AFF1: variants seen among roughly 807,000 people sequenced by gnomAD.
AFF1 encodes the protein AF4/FMR2 family member 1.
A neutral mutation model predicts 121.7 loss-of-function variants in AFF1; 48 were observed. The ratio of observed to expected loss-of-function variants is 0.39; its 90% CI spans 0.31 to 0.50. The LOEUF is 0.50. Ranked by LOEUF, AFF1 falls within the 20% of genes least tolerant of loss-of-function variation. AFF1 has a pLI of 0.76. For synonymous variants in AFF1, 613 were observed against 563.0 expected (o/e 1.09, Z -1.26); for missense variants, 1,523 against 1,511.7 (o/e 1.01, Z -0.12).
chr4:86,972,029 A>G (rs1722981693), intron 2 of AFF1, among the ~76,000 whole-genome samples: 2 of 149,606 alleles, frequency 1.3e-5, no homozygotes, highest in South Asian at 4.3e-4. Context: ...ACTCAGCTAC[A>G]TGGGAGGTTG....
intron 2 of AFF1, among the ~76,000 whole-genome samples, chr4:86,977,113 C>G (rs1468159047): frequency 2.0e-5 from 3 of 152,168 alleles, no homozygotes; most frequent in East Asian, 1.9e-4. Context: ...TTTTCAAATA[C>G]AGTAAGTAGT....
At chr4:87,086,095 A>G (rs1305545103) in intron 5 of AFF1, among the ~76,000 whole-genome samples, 2 of 152,196 alleles carry the variant, frequency 1.3e-5, no homozygotes, top group Non-Finnish European at 2.9e-5. Context: ...AGCATGTAAG[A>G]TTAAATAAGT....
Position 87,126,350 on chromosome 4 carries a change from G to A in AFF1, c.2811+14G>A, listed in dbSNP as rs1458654077. ...TCGGAGCACAAGGTGAGCAGGGGCGGCGGTCACTCTGTAAGATGGGATGCA... is the reference window on the plus strand; with the variant it reads ...TCGGAGCACAAGGTGAGCAGGGGCGACGGTCACTCTGTAAGATGGGATGCA... On this transcript the variant is annotated intron_variant, in intron 14 of 20. Transcript: ENST00000395146. The A allele has an allele frequency of 6.2e-7, 1 of 1,609,934 alleles. No individual in the cohort carries two copies. The highest frequency in any genetic ancestry group is 8.5e-7 in the Non-Finnish European group (1 of 1,176,416).
chr4:87,087,512 T>C (rs907653785), intron 5 of AFF1, among the ~76,000 whole-genome samples: 5 of 152,246 alleles, frequency 3.3e-5, no homozygotes, highest in Non-Finnish European at 4.4e-5. Context: ...GGGCCAGGGC[T>C]GACGTAGGTC....
At chr4:87,127,171 C>CG (rs1560657560) in intron 15 of AFF1, 54 bp downstream of exon 15, 6 of 1,296,196 alleles carry the variant, frequency 4.6e-6, no homozygotes, top group South Asian at 1.2e-5. Flanking sequence ...TTGCTTCCCC[C>CG]CCCCACCAAG....
At chr4:87,079,087 A>G (rs918385613) in intron 4 of AFF1, among the ~76,000 whole-genome samples, 21 of 152,188 alleles carry the variant, frequency 1.4e-4, no homozygotes, top group Admixed American at 6.5e-5. Context: ...GCAGAGCCAG[A>G]TCTAGAATCC....
intron 1 of AFF1, among the ~76,000 whole-genome samples, chr4:86,946,018 A>G (rs1172357165): frequency 6.6e-6 from 1 of 152,122 alleles, no homozygotes; most frequent in Non-Finnish European, 1.5e-5. Flanking sequence ...GCTTAGATTA[A>G]CCCATGTGGT....
chr4:86,937,769 A>C (rs1578805087), intron 1 of AFF1, among the ~76,000 whole-genome samples: 2 of 27,078 alleles, frequency 7.4e-5, no homozygotes, highest in African/African-American at 2.5e-4. Flanking sequence ...CTTTTGGTAG[A>C]GATGGCTTGG....
intron 4 of AFF1, among the ~76,000 whole-genome samples, chr4:87,074,613 C>G (rs1722467943): frequency 6.6e-6 from 1 of 152,186 alleles, no homozygotes; most frequent in South Asian, 2.1e-4. Context: ...CCAGCACACC[C>G]TACTTATTTT....
At chr4:86,975,200 A>G (rs954970495) in intron 2 of AFF1, among the ~76,000 whole-genome samples, 2 of 151,778 alleles carry the variant, frequency 1.3e-5, no homozygotes, top group African/African-American at 4.8e-5. Context: ...CCCTTCCGAC[A>G]CTACTTTGTT....
At chr4:86,971,051 A>T (rs920363672) in intron 2 of AFF1, among the ~76,000 whole-genome samples, 1 of 152,200 alleles carries the variant, frequency 6.6e-6, no homozygotes, top group Middle Eastern at 3.2e-3. Flanking sequence ...CTTTAACAGG[A>T]TCACTTGGGA....
chr4:86,969,856 G>A (rs543814360), intron 2 of AFF1, among the ~76,000 whole-genome samples: 2 of 111,810 alleles, frequency 1.8e-5, no homozygotes, highest in Admixed American at 2.2e-4. Context: ...CTCTGGCCTG[G>A]GCGGAAGAGC....
intron 2 of AFF1, among the ~76,000 whole-genome samples, chr4:86,965,596 C>T (rs1176666433): frequency 6.6e-6 from 1 of 152,106 alleles, no homozygotes; most frequent in Non-Finnish European, 1.5e-5. Context: ...ATATTTGCTC[C>T]AAGATGGCTC....
intron 2 of AFF1, among the ~76,000 whole-genome samples, chr4:87,000,509 T>C (rs1354815297): frequency 6.6e-6 from 1 of 152,170 alleles, no homozygotes; most frequent in Non-Finnish European, 1.5e-5. Flanking sequence ...GTGTAAGATA[T>C]AAACAGGAAA....
chr4:87,047,636 C>T (rs762290619), intron 4 of AFF1, 42 bp downstream of exon 4: 37 of 1,611,786 alleles, frequency 2.3e-5, no homozygotes, highest in Non-Finnish European at 2.9e-5. Flanking sequence ...AATTCGAAGA[C>T]GGATTTGAGA....
chr4:87,115,231 G>A lies in AFF1; in HGVS notation c.2398G>A (p.Ala800Thr), dbSNP rs199822549. 2.3e-4 allele frequency: 364 copies of A among 1,614,034 alleles called. No homozygotes were observed. Among genetic ancestry groups the A allele is most frequent in the Non-Finnish European group, 2.9e-4 (348 of 1,179,966 alleles). The change falls in exon 12 of 21, where the codon GCA becomes ACA. Residue 800 changes from alanine to threonine, a missense_variant. Physicochemically the swap from Ala to Thr is moderately conservative, Grantham distance 58. Coordinates refer to ENST00000395146, the MANE Select transcript of AFF1 (RefSeq NM_001166693.3). ...QRKAEDKQPPAGKKHSSEKRS... is the reference protein window; with the variant it reads ...QRKAEDKQPPTGKKHSSEKRS... The stretch of plus-strand genomic sequence containing the variant: ...GAAAGCAGAAGATAAACAGCCGCCC[G>A]CAGGGAAGAAGCACAGCTCTGAGAA...
At chr4:87,015,571 G>A (rs1464975934) in intron 2 of AFF1, among the ~76,000 whole-genome samples, 1 of 152,136 alleles carries the variant, frequency 6.6e-6, no homozygotes, top group Non-Finnish European at 1.5e-5. Flanking sequence ...TCCTAGGTTG[G>A]CAGTTAGATT....
Position 86,935,237 on chromosome 4 carries a change from G to A in AFF1, c.-40G>A, listed in dbSNP as rs1270409460. The A allele has an allele frequency of 6.6e-6, 1 of 152,484 alleles. No individual in the cohort carries two copies. The highest frequency in any genetic ancestry group is 3.4e-3 in the Middle Eastern group (1 of 294). The allele number at this position is 152,484 out of a possible 1,614,324, so 9.4% of individuals were successfully genotyped here. A position where few individuals can be genotyped will look rare whatever the true frequency, so the allele number is the denominator to read the frequency against. ...CGGGACTAGAGGACGGAAGGGTCTG[G>A]AAGGTGAGCGCAGCCCTGCGCCACC... is the stretch of plus-strand genomic sequence containing the variant. On this transcript the variant is annotated 5_prime_UTR_variant, in exon 1 of 21. Transcript: ENST00000395146.
intron 2 of AFF1, among the ~76,000 whole-genome samples, chr4:86,989,186 T>G (rs1156903660): frequency 6.6e-6 from 1 of 152,052 alleles, no homozygotes; most frequent in African/African-American, 2.4e-5. Context: ...AATTGACAAA[T>G]AGGATGTAAT....
Sources: allele counts gnomAD v4.1 joint callset (sites outside exome capture counted in the v4.1 genomes callset), GRCh38; gene constraint gnomAD v4.1.1; transcripts MANE v1.5; gene names NCBI Gene and HGNC (gene_info 2026-07-23, HGNC 2026-07-21).